WDTC1: variants seen among roughly 807,000 people sequenced by gnomAD.
WDTC1 encodes WD and tetratricopeptide repeats 1, also known as WD and tetratricopeptide repeats protein 1.
A neutral mutation model predicts 76.0 loss-of-function variants in WDTC1; 12 were observed. The observed-to-expected ratio is 0.16, with a 90% CI of 0.10 to 0.26. The LOEUF (loss-of-function observed/expected upper bound fraction) is 0.26, where lower values mean the gene tolerates loss of function less well. Among genes scored for constraint, WDTC1 ranks in the 10% least tolerant of loss-of-function variants. WDTC1 has a pLI of 1.00. For missense variants in WDTC1, 511 were observed against 908.8 expected, an observed-to-expected ratio of 0.56 and a Z score of 5.63; for synonymous variants, 326 against 350.8, an observed-to-expected ratio of 0.93 and a Z score of 0.79.
chr1:27,236,624 G>A (rs140187748), intron 1 of WDTC1, among the ~76,000 whole-genome samples: 150 of 151,980 alleles, frequency 9.9e-4, no homozygotes, highest in Non-Finnish European at 1.9e-3. Context: ...ACAATTGACA[G>A]TTTTTTTTAG....
At chr1:27,262,984 A>C (rs141450993) in intron 2 of WDTC1, among the ~76,000 whole-genome samples, 168 bp from the exon 3 acceptor site, 1 of 151,980 alleles carries the variant, frequency 6.6e-6, no homozygotes, top group Non-Finnish European at 1.5e-5. Flanking sequence ...ACTGTCTTCT[A>C]TTCTTCTCTA....
chr1:27,265,360 T>G (rs887248196), intron 3 of WDTC1, among the ~76,000 whole-genome samples: 1 of 152,224 alleles, frequency 6.6e-6, no homozygotes, highest in Non-Finnish European at 1.5e-5. Flanking sequence ...AATGCCACTC[T>G]TCTCATTAAA....
chr1:27,283,796 T>C (rs2013258567), intron 5 of WDTC1, among the ~76,000 whole-genome samples: 1 of 152,224 alleles, frequency 6.6e-6, no homozygotes, highest in South Asian at 2.1e-4. Context: ...ACCTGACCTG[T>C]CTGAGCCTGT....
chr1:27,269,957 G>C (rs2012816640), intron 3 of WDTC1, among the ~76,000 whole-genome samples: 1 of 146,764 alleles, frequency 6.8e-6, no homozygotes, highest in South Asian at 2.1e-4. Flanking sequence ...TTGTTTTTGA[G>C]ACAGAGTCTT....
chr1:27,296,434 C>A, intron 10 of WDTC1, 33 bp downstream of exon 10: 1 of 1,610,590 alleles, frequency 6.2e-7, no homozygotes, highest in Non-Finnish European at 8.5e-7. Flanking sequence ...TCTACTGCGG[C>A]GGTGTAGGGG....
intron 1 of WDTC1, among the ~76,000 whole-genome samples, chr1:27,236,514 A>G (rs897951742): frequency 3.3e-5 from 5 of 152,232 alleles, no homozygotes; most frequent in African/African-American, 1.2e-4. Flanking sequence ...GCAGTAGCCC[A>G]TATTTCTGCC....
intron 1 of WDTC1, among the ~76,000 whole-genome samples, chr1:27,235,435 T>TCC (rs1302188352): frequency 5.9e-4 from 79 of 134,994 alleles, no homozygotes; most frequent in African/African-American, 2.0e-3. Flanking sequence ...TGTGTGTGTG[T>TCC]GTCCACAGCA....
chr1:27,236,198 T>A (rs935339119), intron 1 of WDTC1, among the ~76,000 whole-genome samples: 1 of 152,214 alleles, frequency 6.6e-6, no homozygotes, highest in Non-Finnish European at 1.5e-5. Context: ...CTTATATCTT[T>A]AGCGGGATTG....
intron 3 of WDTC1, among the ~76,000 whole-genome samples, chr1:27,272,971 C>T (rs370538318): frequency 1.6e-4 from 24 of 152,124 alleles, no homozygotes; most frequent in African/African-American, 3.4e-4. Flanking sequence ...GCTCTGTCCA[C>T]GCAAAGGTAA....
intron 1 of WDTC1, among the ~76,000 whole-genome samples, chr1:27,247,779 C>T (rs1235290964): frequency 2.0e-5 from 3 of 148,548 alleles, no homozygotes; most frequent in Non-Finnish European, 4.4e-5. Context: ...AGTGCAATGG[C>T]GTAGTCTCAG....
chr1:27,254,794 G>A (rs963664745), intron 1 of WDTC1, among the ~76,000 whole-genome samples: 2 of 151,954 alleles, frequency 1.3e-5, no homozygotes, highest in African/African-American at 2.4e-5. Context: ...CACCACGCCT[G>A]GCTGATTTTT....
chr1:27,271,424 A>G (rs796176741), intron 3 of WDTC1, among the ~76,000 whole-genome samples: 21 of 151,986 alleles, frequency 1.4e-4, no homozygotes, highest in African/African-American at 5.1e-4. Flanking sequence ...TATGTTTGCT[A>G]GGCTGGTCTC....
intron 5 of WDTC1, among the ~76,000 whole-genome samples, chr1:27,287,213 A>T (rs889229261): frequency 6.6e-6 from 1 of 152,030 alleles, no homozygotes; most frequent in Non-Finnish European, 1.5e-5. Flanking sequence ...TTAAACACTC[A>T]AAGTCTTTTT....
At chr1:27,240,761 G>T (rs1385840050) in intron 1 of WDTC1, among the ~76,000 whole-genome samples, 1 of 152,128 alleles carries the variant, frequency 6.6e-6, no homozygotes, top group Non-Finnish European at 1.5e-5. Flanking sequence ...CGGATCACAA[G>T]GTCAGGAGTT....
rs758479775 is a variant in WDTC1, at chr1:27,297,101, G to A, written c.1003G>A (p.Gly335Ser). 6.2e-7 allele frequency: 1 copy of A among 1,614,140 alleles called. No individual in the cohort carries two copies. The highest frequency in any genetic ancestry group is 8.5e-7 in the Non-Finnish European group (1 of 1,180,012). ...TNGVSNGVSNGLHLHSNGFRL... is the reference protein window; with the variant it reads ...TNGVSNGVSNSLHLHSNGFRL... ...CGGTGTGTCCAACGGTGTGTCCAAT[G>A]GCCTGCACCTTCATAGCAATGGCTT... Residue 335 changes from glycine to serine, a missense_variant, in exon 11 of 16, where the codon GGC becomes AGC. Physicochemically the swap from Gly to Ser is moderately conservative, Grantham distance 56. Transcript: ENST00000319394.
At chr1:27,240,124 CAG>C (rs2011585982) in intron 1 of WDTC1, among the ~76,000 whole-genome samples, 1 of 152,126 alleles carries the variant, frequency 6.6e-6, no homozygotes, top group African/African-American at 2.4e-5. Context: ...TTCCTGACCT[CAG>C]GTGATCCACT....
At chr1:27,239,427 C>CG (rs1223526348) in intron 1 of WDTC1, among the ~76,000 whole-genome samples, 1 of 142,356 alleles carries the variant, frequency 7.0e-6, no homozygotes, top group Non-Finnish European at 1.5e-5. Context: ...GAATCTGAGG[C>CG]GGGGGCATCA....
chr1:27,293,435 T>TAAAAAA (rs35845132), intron 7 of WDTC1, among the ~76,000 whole-genome samples: 4 of 130,596 alleles, frequency 3.1e-5, no homozygotes, highest in Non-Finnish European at 3.2e-5. Context: ...CAGTCTCAAT[T>TAAAAAA]AAAAAAAAAA....
At chr1:27,237,636 T>A (rs892424807) in intron 1 of WDTC1, among the ~76,000 whole-genome samples, 13 of 151,822 alleles carry the variant, frequency 8.6e-5, no homozygotes, top group Admixed American at 1.3e-4. Flanking sequence ...GATCACGAGG[T>A]CAGGAGATTG....
Sources: allele counts gnomAD v4.1 joint callset (sites outside exome capture counted in the v4.1 genomes callset), GRCh38; gene constraint gnomAD v4.1.1; transcripts MANE v1.5; gene names NCBI Gene and HGNC (gene_info 2026-07-23, HGNC 2026-07-21).